The following ROBO1 variants were observed in gnomAD, a reference collection of about 807,000 sequenced individuals.
The protein encoded by ROBO1 is roundabout homolog 1.
Under a neutral mutation model 195.9 loss-of-function variants are expected in ROBO1, and 149 were observed. That is an observed-to-expected ratio of 0.76 (90% CI 0.67 to 0.87). The LOEUF (loss-of-function observed/expected upper bound fraction) is 0.87, where lower values mean the gene tolerates loss of function less well. ROBO1 is among the 40% of genes least tolerant of loss of function. The pLI, the probability that ROBO1 is intolerant of heterozygous loss-of-function variation, is 0.00. For missense variants in ROBO1, 1,933 were observed against 2,068.3 expected, an observed-to-expected ratio of 0.93 and a Z score of 1.27; for synonymous variants, 816 against 733.2, an observed-to-expected ratio of 1.11 and a Z score of -1.82.
chr3:79,736,119 A>G (rs1206824947), intron 1 of ROBO1, among the ~76,000 whole-genome samples: 1 of 152,216 alleles, frequency 6.6e-6, no homozygotes, highest in Non-Finnish European at 1.5e-5. Context: ...GAAATCAATG[A>G]CATCCTCTCT....
chr3:78,637,891 C>G (rs1291744230), intron 22 of ROBO1, among the ~76,000 whole-genome samples: 3 of 151,222 alleles, frequency 2.0e-5, no homozygotes, highest in Admixed American at 6.6e-5. Flanking sequence ...TCTCGCCTTT[C>G]CGTAATTCCA....
chr3:79,159,228 C>A (rs548666816), intron 2 of ROBO1, among the ~76,000 whole-genome samples: 37 of 152,052 alleles, frequency 2.4e-4, no homozygotes, highest in African/African-American at 8.9e-4. Context: ...GGAAAATGTT[C>A]TCAGTCTACC....
chr3:79,592,325 T>G (rs972140987), intron 1 of ROBO1, among the ~76,000 whole-genome samples: 1 of 151,980 alleles, frequency 6.6e-6, no homozygotes, highest in African/African-American at 2.4e-5. Flanking sequence ...CAGATATTAT[T>G]TCAAATATCT....
intron 3 of ROBO1, among the ~76,000 whole-genome samples, chr3:79,064,012 C>T (rs1261475395): frequency 6.6e-6 from 1 of 151,696 alleles, no homozygotes; most frequent in East Asian, 2.0e-4. Flanking sequence ...AGAGAAAATT[C>T]TGGTGTCTTA....
chr3:79,659,478 A>G (rs1259704696), intron 1 of ROBO1, among the ~76,000 whole-genome samples: 1 of 152,096 alleles, frequency 6.6e-6, no homozygotes, highest in Non-Finnish European at 1.5e-5. Flanking sequence ...AAGGTCTGAT[A>G]ATTTTCAGTA....
At chr3:78,996,616 A>G (rs1315024186) in intron 3 of ROBO1, among the ~76,000 whole-genome samples, 1 of 152,136 alleles carries the variant, frequency 6.6e-6, no homozygotes, top group African/African-American at 2.4e-5. Context: ...TGATGTATTG[A>G]TAAAACCCAT....
intron 2 of ROBO1, among the ~76,000 whole-genome samples, chr3:79,402,057 T>C (rs900125919): frequency 2.6e-5 from 4 of 151,942 alleles, no homozygotes; most frequent in African/African-American, 9.7e-5. Context: ...ACTTGATATA[T>C]AAGCTACTGT....
intron 3 of ROBO1, among the ~76,000 whole-genome samples, chr3:78,958,110 TA>T (rs1333149057): frequency 2.6e-5 from 4 of 152,156 alleles, no homozygotes; most frequent in African/African-American, 9.7e-5. Context: ...TTTGAAAAAA[TA>T]AGAGGATTTT....
chr3:79,702,303 A>G (rs1048098940), intron 1 of ROBO1, among the ~76,000 whole-genome samples: 1 of 151,914 alleles, frequency 6.6e-6, no homozygotes. Flanking sequence ...ATAAATGGGT[A>G]TGGTTTTGCT....
intron 1 of ROBO1, among the ~76,000 whole-genome samples, chr3:79,698,838 G>A (rs1167795042): frequency 6.6e-6 from 1 of 151,476 alleles, no homozygotes; most frequent in Non-Finnish European, 1.5e-5. Flanking sequence ...GTTGACTCTT[G>A]ACCATTGAAG....
At chr3:79,268,464 G>T (rs1317587848) in intron 2 of ROBO1, among the ~76,000 whole-genome samples, 1 of 151,492 alleles carries the variant, frequency 6.6e-6, no homozygotes, top group South Asian at 2.1e-4. Context: ...TGATGAAGAC[G>T]TTAACAATAT....
At chr3:78,946,386 G>T (rs2040446061) in intron 3 of ROBO1, among the ~76,000 whole-genome samples, 1 of 152,136 alleles carries the variant, frequency 6.6e-6, no homozygotes, top group Admixed American at 6.5e-5. Flanking sequence ...TTAAAGAAAA[G>T]AATTTTCAAC....
At chr3:78,694,728 C>T (rs1396987011) in intron 8 of ROBO1, among the ~76,000 whole-genome samples, 1 of 152,004 alleles carries the variant, frequency 6.6e-6, no homozygotes, top group Admixed American at 6.6e-5. Flanking sequence ...TTTTAAATGA[C>T]AGTAAGAAGT....
intron 10 of ROBO1, among the ~76,000 whole-genome samples, chr3:78,682,459 A>G (rs1012394264): frequency 1.3e-5 from 2 of 148,624 alleles, no homozygotes; most frequent in Non-Finnish European, 3.0e-5. Flanking sequence ...ATATGTATAT[A>G]TATGTATATA....
At position 78,982,459 on chromosome 3, in the gene ROBO1, G is replaced by A. The variant is rs577151343; in HGVS notation, c.173-43532C>T. On this transcript the variant is annotated intron_variant, in intron 3 of 30. Transcript: ENST00000464233. ...ATGAGCATTTTTGCATCATACACAC[G>A]TCTATAAACAAACACACATACATCC... Among the ~76,000 whole-genome samples the A allele has an allele frequency of 3.9e-5, 6 of 152,142 alleles. No individual in the cohort carries two copies. The South Asian group carries it at 6.2e-4, about 16-fold the overall frequency.
chr3:79,597,884 G>T (rs1944226675), intron 1 of ROBO1, among the ~76,000 whole-genome samples: 1 of 152,044 alleles, frequency 6.6e-6, no homozygotes, highest in South Asian at 2.1e-4. Flanking sequence ...AAGGAAATTG[G>T]CAAGATTCTC....
intron 28 of ROBO1, among the ~76,000 whole-genome samples, chr3:78,609,533 G>A (rs1253577594): frequency 2.6e-5 from 4 of 152,122 alleles, no homozygotes; most frequent in African/African-American, 9.7e-5. Flanking sequence ...TGAATGGATT[G>A]CGCTTTTTTC....
At chr3:78,827,076 A>C (rs2031684457) in intron 4 of ROBO1, among the ~76,000 whole-genome samples, 1 of 152,160 alleles carries the variant, frequency 6.6e-6, no homozygotes, top group Non-Finnish European at 1.5e-5. Flanking sequence ...CCTCAAATAT[A>C]ATTATAAATC....
At chr3:79,281,076 C>A (rs2031473364) in intron 2 of ROBO1, among the ~76,000 whole-genome samples, 2 of 152,094 alleles carry the variant, frequency 1.3e-5, no homozygotes. Context: ...TTAACTAAGG[C>A]AATTGGTAGA....
Sources: allele counts gnomAD v4.1 joint callset (sites outside exome capture counted in the v4.1 genomes callset), GRCh38; gene constraint gnomAD v4.1.1; transcripts MANE v1.5; gene names NCBI Gene and HGNC (gene_info 2026-07-23, HGNC 2026-07-21).